Variants in UBE2J2 observed in about 807,000 individuals in gnomAD.
UBE2J2 encodes the protein ubiquitin conjugating enzyme E2 J2, also known as ubiquitin-conjugating enzyme E2 J2.
Under a neutral mutation model 28.6 loss-of-function variants are expected in UBE2J2, and 5 were observed. The observed-to-expected ratio is 0.17, with a 90% CI of 0.09 to 0.37. The LOEUF (loss-of-function observed/expected upper bound fraction) is 0.37, where lower values mean the gene tolerates loss of function less well. UBE2J2 is among the 10% of genes least tolerant of loss of function. The probability of loss-of-function intolerance (pLI) is 1.00; values close to 1 mark genes in which losing one functional copy is unlikely to be tolerated. For missense variants in UBE2J2, 226 were observed against 338.9 expected (o/e 0.67, Z 2.62); for synonymous variants, 138 against 139.7 (o/e 0.99, Z 0.09).
chr1:1,255,588 A>G (rs1639127306), intron 6 of UBE2J2, 101 bp from the exon 7 acceptor site: 1 of 1,382,984 alleles, frequency 7.2e-7, no homozygotes. Flanking sequence ...CCAAGAACCA[A>G]GCCCTAGGCT....
chr1:1,267,686 G>A, intron 2 of UBE2J2, 176 bp downstream of exon 2: 1 of 1,424,596 alleles, frequency 7.0e-7, no homozygotes, highest in Non-Finnish European at 9.2e-7. Context: ...TGCGTCCATT[G>A]GGAAAAGACC....
intron 2 of UBE2J2, among the ~76,000 whole-genome samples, chr1:1,266,853 A>T (rs189166962): frequency 7.2e-5 from 11 of 152,136 alleles, no homozygotes; most frequent in East Asian, 5.8e-4. Flanking sequence ...ATTTTTTTTT[A>T]AAAGATCAAA....
At position 1,254,968 on chromosome 1, in the gene UBE2J2, A is replaced by C; in HGVS notation, c.*235T>G. 2.1e-6 allele frequency: 1 copy of C among 470,952 alleles called. No homozygotes were observed. 29.2% of individuals were successfully genotyped at this position (470,952 alleles called of 1,614,324 possible). A position where few individuals can be genotyped will look rare whatever the true frequency, so the allele number is the denominator to read the frequency against. On this transcript the variant is annotated 3_prime_UTR_variant, in exon 7 of 7. Transcript: ENST00000349431. ...ACGGAAGATAAGCTACAAATCCAGC[A>C]CACAAGGCCCACCCACACCAGCCCC... is the stretch of plus-strand genomic sequence containing the variant.
At chr1:1,256,952 C>G in intron 5 of UBE2J2, 40 bp downstream of exon 5, 2 of 1,398,734 alleles carry the variant, frequency 1.4e-6, no homozygotes, top group Non-Finnish European at 1.9e-6. Flanking sequence ...CCCCCAGACA[C>G]AAGGCTGACG....
rs529519116 is a variant in UBE2J2, at chr1:1,261,064, G to C, written c.172+2282C>G. ...AAAGGGGTCAGAAATCCCGAAGTCA[G>C]GAAGGAAGCTGTCGTCAGCAGCATC... On this transcript the variant is annotated intron_variant, in intron 3 of 6. Transcript: ENST00000349431. 5.9e-5 allele frequency among the ~76,000 whole-genome samples: 9 copies of C among 152,326 alleles called. No individual in the cohort carries two copies. In the East Asian group the frequency reaches 1.7e-3, roughly 29 times the overall value.
Position 1,268,073 on chromosome 1 carries a change from C to T in UBE2J2, c.1-81G>A, listed in dbSNP as rs2100213631. ...TCCCCTGGCGCAGCCCCACTCCCGC[C>T]TCTGCAGCCCGCCATTCATTCAGGG... On this transcript the variant is annotated intron_variant, in intron 1 of 6. Transcript: ENST00000349431. This position sits in a 1 kb window ranked among gnomAD's most constrained non-coding sequence, Gnocchi z 4.7. The T allele has an allele frequency of 6.4e-7, 1 of 1,564,508 alleles. No homozygotes were observed. The highest frequency in any genetic ancestry group is 8.7e-7 in the Non-Finnish European group (1 of 1,146,068).
At chr1:1,259,422 C>G (rs1345622628) in intron 3 of UBE2J2, among the ~76,000 whole-genome samples, 1 of 152,232 alleles carries the variant, frequency 6.6e-6, no homozygotes, top group Non-Finnish European at 1.5e-5. Context: ...TCTGTCCTCC[C>G]TTGGGCTCCC....
chr1:1,268,941 T>C lies in UBE2J2; in HGVS notation c.1-949A>G, dbSNP rs1640013165. ...ATTCTCAGGCCTCAGCCTCCGGAAG[T>C]GCTGGAATCACAGGCAGGAGCCACG... On this transcript the variant is annotated intron_variant, in intron 1 of 6. Transcript: ENST00000349431. This position sits in a 1 kb window ranked among gnomAD's most constrained non-coding sequence, Gnocchi z 4.7. Among the ~76,000 whole-genome samples, 1 of 152,020 alleles carries C rather than the reference T, an allele frequency of 6.6e-6. No homozygotes were observed. The highest frequency in any genetic ancestry group is 1.9e-4 in the East Asian group (1 of 5,176).
At chr1:1,270,054 A>AG (rs1439962691) in intron 1 of UBE2J2, among the ~76,000 whole-genome samples, 1 of 152,158 alleles carries the variant, frequency 6.6e-6, no homozygotes, top group Non-Finnish European at 1.5e-5. Context: ...ATGGTTTATA[A>AG]GGCAGTGTTC....
intron 3 of UBE2J2, among the ~76,000 whole-genome samples, chr1:1,257,583 G>A (rs112742853): frequency 0.019 from 2,412 of 126,468 alleles, 44 homozygotes; most frequent in African/African-American, 0.044. Context: ...CCACTGCCCC[G>A]GGAGCTCGAG....
At chr1:1,263,686 T>C in intron 2 of UBE2J2, 1 of 282,522 alleles carries the variant, frequency 3.5e-6, no homozygotes, top group South Asian at 4.9e-5. Flanking sequence ...AACTGAAATC[T>C]TAAATAAATT....
intron 1 of UBE2J2, among the ~76,000 whole-genome samples, chr1:1,272,120 C>T (rs1430951562): frequency 6.6e-6 from 1 of 151,582 alleles, no homozygotes; most frequent in Non-Finnish European, 1.5e-5. Context: ...TGTCACTGCA[C>T]TCTAGCTGGG....
In UBE2J2 at chr1:1,255,241, T is replaced by C; in HGVS notation, c.742A>G (p.Thr248Ala). Residue 248 changes from threonine to alanine, a missense_variant, in exon 7 of 7, where the codon ACG (threonine) becomes GCG (alanine). Coordinates refer to ENST00000349431, the MANE Select transcript of UBE2J2 (RefSeq NM_058167.3). Reference sequence around the variant, plus strand: ...ATGCTCCTCAGCACGTACTTGACCGTGTAAGCAAAGGCTGCAAACCCAACT... The same window carrying C: ...ATGCTCCTCAGCACGTACTTGACCGCGTAAGCAAAGGCTGCAAACCCAACT... ...VIVGFAAFAY[T>A]VKYVLRSIAQ... The C allele has an allele frequency of 6.2e-7, 1 of 1,611,916 alleles. No homozygotes were observed. The highest frequency in any genetic ancestry group is 8.5e-7 in the Non-Finnish European group (1 of 1,178,794).
At chr1:1,267,120 C>T (rs1020604494) in intron 2 of UBE2J2, among the ~76,000 whole-genome samples, 1 of 152,030 alleles carries the variant, frequency 6.6e-6, no homozygotes, top group African/African-American at 2.4e-5. Context: ...AACTCCTGAC[C>T]TCAGGTGATC....
chr1:1,260,806 T>C (rs1284900702), intron 3 of UBE2J2, among the ~76,000 whole-genome samples: 2 of 152,232 alleles, frequency 1.3e-5, no homozygotes, highest in Non-Finnish European at 2.9e-5. Flanking sequence ...TTTAGAAAAA[T>C]GGTTTTAACT....
intron 2 of UBE2J2, among the ~76,000 whole-genome samples, chr1:1,265,501 G>C (rs1385226570): frequency 6.6e-6 from 1 of 152,088 alleles, no homozygotes; most frequent in African/African-American, 2.4e-5. Flanking sequence ...GCCTGCTGCT[G>C]GGAATGGAGC....
intron 1 of UBE2J2, chr1:1,271,517 G>T (rs895740570): frequency 3.9e-5 from 6 of 152,134 alleles, no homozygotes; most frequent in African/African-American, 1.2e-4. Flanking sequence ...TACCTGCTTG[G>T]AGAGGCTTTT....
intron 2 of UBE2J2, chr1:1,266,015 T>C: frequency 7.8e-7 from 1 of 1,284,234 alleles, no homozygotes; most frequent in Non-Finnish European, 1.0e-6. Flanking sequence ...ACCCACAGAT[T>C]TGTGGGGAGG....
chr1:1,266,570 C>A (rs1346342666), intron 2 of UBE2J2, among the ~76,000 whole-genome samples: 2 of 151,992 alleles, frequency 1.3e-5, no homozygotes, highest in Non-Finnish European at 2.9e-5. Flanking sequence ...GCCTGTAATC[C>A]CAGCATTCTG....
Sources: gnomAD v4.1 joint callset for allele counts (sites outside exome capture counted in the v4.1 genomes callset) on GRCh38, gnomAD v4.1.1 for gene constraint, Gnocchi (gnomAD v3.1) non-coding constraint, MANE v1.5 for transcripts, NCBI Gene and HGNC (gene_info 2026-07-23, HGNC 2026-07-21) for gene names.